Variants in PVT1 observed in about 807,000 individuals in gnomAD.
PVT1 encodes CXCR4/PVT1 fusion.
intron 3 of PVT1, among the ~76,000 whole-genome samples, chr8:127,908,370 C>T (rs1407024288): frequency 5.8e-5 from 8 of 137,676 alleles, no homozygotes; most frequent in African/African-American, 1.3e-4. Flanking sequence ...GAGATGGAAT[C>T]TTGCTCTGTC....
chr8:127,960,583 C>T (rs769886474), intron 3 of PVT1: 12 of 446,070 alleles, frequency 2.7e-5, no homozygotes, highest in East Asian at 7.1e-5. Flanking sequence ...GGATGCACCA[C>T]GATAGGGAAA....
chr8:127,958,468 G>A (rs1415540903), intron 3 of PVT1, among the ~76,000 whole-genome samples: 4 of 152,156 alleles, frequency 2.6e-5, no homozygotes, highest in Admixed American at 6.5e-5. Context: ...TCGAACTCCT[G>A]AGCTCAGGCA....
chr8:127,888,884 TTC>T (rs1486388420), intron 2 of PVT1, among the ~76,000 whole-genome samples: 3 of 152,242 alleles, frequency 2.0e-5, no homozygotes, highest in Non-Finnish European at 4.4e-5. Context: ...TATTTTTTAT[TTC>T]TTTTTCTGTT....
chr8:127,956,917 C>G (rs566898142), intron 3 of PVT1, among the ~76,000 whole-genome samples: 71 of 152,132 alleles, frequency 4.7e-4, no homozygotes, highest in South Asian at 6.2e-4. Context: ...TTAAGAATGG[C>G]CTGTCATAGG....
At chr8:127,953,280 A>C (rs554200925) in intron 3 of PVT1, among the ~76,000 whole-genome samples, 3 of 152,162 alleles carry the variant, frequency 2.0e-5, no homozygotes, top group Admixed American at 6.5e-5. Context: ...CCCTACTGCA[A>C]CCTCCCTGTG....
chr8:127,984,867 TTC>T (rs1554602070), intron 3 of PVT1, among the ~76,000 whole-genome samples: 2 of 73,064 alleles, frequency 2.7e-5, no homozygotes, highest in East Asian at 7.4e-4. Context: ...CTTTCTTTCT[TTC>T]TTTCTTTCTT....
At chr8:127,995,966 T>C (rs1352110851) in intron 4 of PVT1, among the ~76,000 whole-genome samples, 1 of 152,092 alleles carries the variant, frequency 6.6e-6, no homozygotes, top group African/African-American at 2.4e-5. Flanking sequence ...GACCATTTGC[T>C]AAATCGGTAT....
At chr8:127,993,399 G>A (rs1486101542) in intron 4 of PVT1, among the ~76,000 whole-genome samples, 1 of 152,236 alleles carries the variant, frequency 6.6e-6, no homozygotes, top group Non-Finnish European at 1.5e-5. Context: ...CTAGCAGCCA[G>A]CCACACAGGT....
At chr8:128,069,131 T>C (rs899270031) in intron 4 of PVT1, among the ~76,000 whole-genome samples, 11 of 152,196 alleles carry the variant, frequency 7.2e-5, no homozygotes, top group African/African-American at 2.2e-4. Context: ...CAATCTCTGA[T>C]GTGGCAATTA....
chr8:128,074,222 C>G (rs1814048797), intron 5 of PVT1, among the ~76,000 whole-genome samples: 1 of 152,060 alleles, frequency 6.6e-6, no homozygotes, highest in Admixed American at 6.6e-5. Context: ...AAAAGCATAT[C>G]CCGACCGGGC....
intron 4 of PVT1, among the ~76,000 whole-genome samples, chr8:128,032,870 C>T (rs1018493211): frequency 6.6e-6 from 1 of 152,210 alleles, no homozygotes; most frequent in African/African-American, 2.4e-5. Context: ...GTGAGTAAGC[C>T]CTTTCCAAGC....
In PVT1 at chr8:127,834,713, T is replaced by C. The variant is rs1434500868; in HGVS notation, n.372+38642T>C. Among the ~76,000 whole-genome samples, 5 of 151,868 alleles carry C rather than the reference T, an allele frequency of 3.3e-5. No homozygotes were observed. In the East Asian group the frequency reaches 9.6e-4, roughly 29 times the overall value. ...ATTCAGAATCTACAAAGAACTTAAA[T>C]TTACAGGGGAAAAAACAAACAAACA... On this transcript the variant is annotated intron_variant and non_coding_transcript_variant, in intron 2 of 10. Coordinates refer to ENST00000651587, the Ensembl canonical transcript of PVT1.
intron 2 of PVT1, chr8:127,796,175 C>T (rs920383697): frequency 3.5e-4 from 57 of 163,484 alleles, no homozygotes; most frequent in African/African-American, 1.3e-3. Context: ...TTCTTGTTGC[C>T]TCATCTATCT....
At chr8:128,092,464 G>T (rs1814369602) in intron 5 of PVT1, among the ~76,000 whole-genome samples, 1 of 152,164 alleles carries the variant, frequency 6.6e-6, no homozygotes, top group South Asian at 2.1e-4. Context: ...GGCAGCCCCG[G>T]CACCCTGGCC....
intron 4 of PVT1, among the ~76,000 whole-genome samples, chr8:128,019,055 A>C (rs1817404887): frequency 6.6e-6 from 1 of 152,212 alleles, no homozygotes; most frequent in African/African-American, 2.4e-5. Context: ...TTAGCAGTGC[A>C]TCAGCAATGA....
chr8:127,898,285 CTGTAAAGAAATAAAATAA>C lies in PVT1; in HGVS notation n.782+7298_782+7315del, dbSNP rs1379870498. ...AGAAAGAGTGTAAAGAAATAAAAGG[CTGTAAAGAAATAAAATAA>C]TGTAAAGAAAGAAAATAATGTAAAG... On this transcript the variant is annotated intron_variant and non_coding_transcript_variant, in intron 3 of 10. Coordinates refer to ENST00000651587, the Ensembl canonical transcript of PVT1. This position sits in a 1 kb window ranked among gnomAD's most constrained non-coding sequence, Gnocchi z 4.4. 2.6e-5 allele frequency among the ~76,000 whole-genome samples: 4 copies of C among 151,320 alleles called. No homozygotes were observed. The highest frequency in any genetic ancestry group is 7.3e-5 in the African/African-American group (3 of 41,166).
rs187303455 is a variant in PVT1 at position 127,854,870 on chromosome 8, T to C, written n.373-35719T>C. 23 of 309,754 alleles carry C rather than the reference T, an allele frequency of 7.4e-5. 1 individual carries two copies. The Admixed American group carries it at 8.0e-4, about 11-fold the overall frequency. The allele number at this position is 309,754 out of a possible 1,614,324, so 19.2% of individuals were successfully genotyped here. A position where few individuals can be genotyped will look rare whatever the true frequency, so the allele number is the denominator to read the frequency against. ...CAGGAGCAGGAATACCATTTATCCA[T>C]TGGCACAGGGTAGCATGCTCAGTGT... On this transcript the variant is annotated intron_variant and non_coding_transcript_variant, in intron 2 of 10. Transcript: ENST00000651587.
chr8:127,843,346 A>G (rs1051559518), intron 2 of PVT1, among the ~76,000 whole-genome samples: 6 of 152,204 alleles, frequency 3.9e-5, no homozygotes, highest in African/African-American at 1.4e-4. Context: ...CTCTGTCTCA[A>G]AAAACAAACA....
At chr8:128,038,850 C>T (rs1470646036) in intron 4 of PVT1, among the ~76,000 whole-genome samples, 1 of 152,130 alleles carries the variant, frequency 6.6e-6, no homozygotes, top group Non-Finnish European at 1.5e-5. Flanking sequence ...GAGAGCTGGG[C>T]AGGTCTTCGG....
Sources: gnomAD v4.1 joint callset for allele counts (sites outside exome capture counted in the v4.1 genomes callset) on GRCh38, gnomAD v4.1.1 for gene constraint, Gnocchi (gnomAD v3.1) non-coding constraint, MANE v1.5 for transcripts, NCBI Gene and HGNC (gene_info 2026-07-23, HGNC 2026-07-21) for gene names.